Variants in BSN observed in about 807,000 individuals in gnomAD.
BSN encodes the protein protein bassoon.
BSN carries 57 observed loss-of-function variants against 264.8 expected under a neutral mutation model. The observed-to-expected ratio is 0.22, with a 90% CI of 0.17 to 0.27. BSN has a LOEUF of 0.27. BSN is among the 10% of genes least tolerant of loss of function. The pLI is 1.00. For missense variants in BSN, 4,615 were observed against 5,232.5 expected, an observed-to-expected ratio of 0.88 and a Z score of 3.64; for synonymous variants, 2,059 against 2,137.3, an observed-to-expected ratio of 0.96 and a Z score of 1.01.
At chr3:49,664,017 T>C (rs2052690072) in intron 8 of BSN, 131 bp downstream of exon 8, 1 of 884,028 alleles carries the variant, frequency 1.1e-6, no homozygotes, top group Non-Finnish European at 1.7e-6. Flanking sequence ...CCCCAGGGGC[T>C]GTAGACCTCC....
chr3:49,618,889 A>G (rs1485311670), intron 1 of BSN, among the ~76,000 whole-genome samples: 2 of 152,210 alleles, frequency 1.3e-5, no homozygotes, highest in Non-Finnish European at 2.9e-5. Context: ...GGACTCCTAT[A>G]TGAATCATTT....
At chr3:49,596,474 CT>C (rs1422186145) in intron 1 of BSN, among the ~76,000 whole-genome samples, 1 of 152,076 alleles carries the variant, frequency 6.6e-6, no homozygotes, top group African/African-American at 2.4e-5. Flanking sequence ...CAATAATTCC[CT>C]GTTATTCCTA....
chr3:49,616,802 C>T (rs926565057), intron 1 of BSN, among the ~76,000 whole-genome samples: 2 of 152,218 alleles, frequency 1.3e-5, no homozygotes, highest in African/African-American at 2.4e-5. Flanking sequence ...TGACGCTGGC[C>T]TCGTGCCTTT....
chr3:49,614,051 CTTTT>C (rs35326455), intron 1 of BSN, among the ~76,000 whole-genome samples: 2 of 87,802 alleles, frequency 2.3e-5, no homozygotes, highest in Non-Finnish European at 2.1e-5. Flanking sequence ...GACATTCAGT[CTTTT>C]TTTTTTTTTT....
At chr3:49,588,396 A>G (rs2051951992) in intron 1 of BSN, among the ~76,000 whole-genome samples, 1 of 152,116 alleles carries the variant, frequency 6.6e-6, no homozygotes, top group African/African-American at 2.4e-5. Context: ...GTTCAGTATG[A>G]CACTAGCTGT....
chr3:49,575,776 A>G (rs2108011492), intron 1 of BSN, among the ~76,000 whole-genome samples: 2 of 151,504 alleles, frequency 1.3e-5, no homozygotes. Flanking sequence ...AGTGCAGTCC[A>G]TCTCCACCTT....
At chr3:49,561,761 G>A (rs778818284) in intron 1 of BSN, among the ~76,000 whole-genome samples, 56 of 152,142 alleles carry the variant, frequency 3.7e-4, no homozygotes, top group Non-Finnish European at 6.9e-4. Flanking sequence ...ATTGGTGTTA[G>A]CTATAGTCAC....
At chr3:49,615,362 T>C (rs1267940375) in intron 1 of BSN, among the ~76,000 whole-genome samples, 1 of 152,212 alleles carries the variant, frequency 6.6e-6, no homozygotes, top group Non-Finnish European at 1.5e-5. Flanking sequence ...TGGTGTATAC[T>C]GATGCATGGC....
chr3:49,628,032 G>A (rs542999942), intron 2 of BSN, among the ~76,000 whole-genome samples: 1 of 152,314 alleles, frequency 6.6e-6, no homozygotes, highest in African/African-American at 2.4e-5. Context: ...AGGATGCGTT[G>A]TTCCTCAGCT....
chr3:49,604,043 T>A (rs1342902546), intron 1 of BSN, among the ~76,000 whole-genome samples: 3 of 152,182 alleles, frequency 2.0e-5, no homozygotes, highest in Non-Finnish European at 2.9e-5. Context: ...TTTTATCTTG[T>A]TTTGTTTTAT....
rs148028553 is a variant in BSN, at chr3:49,665,546, G to A, written c.*104+228G>A. Among the ~76,000 whole-genome samples the A allele has an allele frequency of 1.0e-3, 157 of 152,352 alleles. No individual in the cohort carries two copies. The Middle Eastern group carries it at 0.024, about 23-fold the overall frequency. On this transcript the variant is annotated intron_variant, in intron 11 of 11. Transcript: ENST00000296452. ...GCACCCTTGGAGAAGAGCCCAGCAC[G>A]GCTAACTGCACCTCACAACTTGAAG... is the stretch of plus-strand genomic sequence containing the variant.
Position 49,658,036 on chromosome 3 carries a change from A to G in BSN, c.8480A>G (p.His2827Arg), listed in dbSNP as rs781389601. Reference protein sequence around the residue: ...LNKAHVSPQKHFTADSALRQQ... With the variant: ...LNKAHVSPQKRFTADSALRQQ... ...AAAGCTCACGTGAGTCCCCAGAAGC[A>G]CTTCACGGCTGACAGCGCTCTCCGC... The change falls in exon 5 of 12, where the codon CAC (histidine) becomes CGC (arginine). Residue 2827 changes from histidine to arginine, a missense_variant. Coordinates refer to ENST00000296452, the MANE Select transcript of BSN (RefSeq NM_003458.4). 1.1e-5 allele frequency: 17 copies of G among 1,613,538 alleles called. No individual in the cohort carries two copies. The highest frequency in any genetic ancestry group is 1.4e-5 in the Non-Finnish European group (17 of 1,179,944).
Position 49,654,827 on chromosome 3 carries a change from C to T in BSN, c.5271C>T (p.Ser1757=), listed in dbSNP as rs1340104873. ...QPVVYGDPYQ[S]RLDFGQGGGS... is the part of the protein sequence containing the mutation. Reference sequence around the variant, plus strand: ...TGGTCTATGGAGACCCCTACCAGAGCCGCCTTGACTTTGGCCAGGGTGGGG... The same window carrying T: ...TGGTCTATGGAGACCCCTACCAGAGTCGCCTTGACTTTGGCCAGGGTGGGG... Residue 1757 remains serine (S), a synonymous_variant, in exon 5 of 12, where the codon AGC becomes AGT. Coordinates refer to ENST00000296452, the MANE Select transcript of BSN (RefSeq NM_003458.4). The surrounding 1 kb of genome is among the most constrained non-coding windows in gnomAD (Gnocchi z 4.1). 2 of 1,613,516 alleles carry T rather than the reference C, an allele frequency of 1.2e-6. No individual in the cohort carries two copies. The highest frequency in any genetic ancestry group is 1.7e-5 in the Admixed American group (1 of 59,994).
chr3:49,572,332 G>A (rs1264229838), intron 1 of BSN, among the ~76,000 whole-genome samples: 1 of 152,180 alleles, frequency 6.6e-6, no homozygotes, highest in African/African-American at 2.4e-5. Context: ...GGGCCTTGAA[G>A]TCAGTGGGAG....
chr3:49,613,333 A>AGAGAGAGG (rs1559605444), intron 1 of BSN, among the ~76,000 whole-genome samples: 1 of 149,962 alleles, frequency 6.7e-6, no homozygotes, highest in African/African-American at 2.4e-5. Context: ...AGAGAGAGAG[A>AGAGAGAGG]GAGAGAGAGA....
intron 1 of BSN, among the ~76,000 whole-genome samples, chr3:49,562,654 G>A (rs2051722863): frequency 6.6e-6 from 1 of 152,230 alleles, no homozygotes; most frequent in African/African-American, 2.4e-5. Flanking sequence ...CAGCCAGCTA[G>A]CAGACTTTAG....
At chr3:49,622,863 G>C (rs1375919980) in intron 1 of BSN, among the ~76,000 whole-genome samples, 1 of 152,224 alleles carries the variant, frequency 6.6e-6, no homozygotes, top group Non-Finnish European at 1.5e-5. Flanking sequence ...TGGCAAAGAT[G>C]GCCCTGAGGG....
At chr3:49,630,950 T>C (rs185906819) in intron 2 of BSN, among the ~76,000 whole-genome samples, 1 of 152,238 alleles carries the variant, frequency 6.6e-6, no homozygotes, top group Admixed American at 6.5e-5. Flanking sequence ...CTGCTTCTAC[T>C]CTTTATTTTG....
chr3:49,605,477 T>TTA (rs1334374239), intron 1 of BSN, among the ~76,000 whole-genome samples: 2 of 5,582 alleles, frequency 3.6e-4, no homozygotes, highest in African/African-American at 7.3e-4. Context: ...ATAATATATA[T>TTA]TATATAATAT....
Sources: gnomAD v4.1 joint callset for allele counts (sites outside exome capture counted in the v4.1 genomes callset) on GRCh38, gnomAD v4.1.1 for gene constraint, Gnocchi (gnomAD v3.1) non-coding constraint, MANE v1.5 for transcripts, NCBI Gene and HGNC (gene_info 2026-07-23, HGNC 2026-07-21) for gene names.